GAPVD1: variants seen among roughly 807,000 people sequenced by gnomAD.
GAPVD1 encodes GTPase-activating protein and VPS9 domain-containing protein 1.
Under a neutral mutation model 155.5 loss-of-function variants are expected in GAPVD1, and 35 were observed. The ratio of observed to expected loss-of-function variants is 0.23; its 90% CI spans 0.17 to 0.30. The LOEUF (loss-of-function observed/expected upper bound fraction) is 0.30. Among genes scored for constraint, GAPVD1 ranks in the 10% least tolerant of loss-of-function variants. The pLI is 1.00. For missense variants in GAPVD1, 1,429 were observed against 1,775.7 expected (o/e 0.80, Z 3.51); for synonymous variants, 636 against 619.7 (o/e 1.03, Z -0.39).
At chr9:125,354,017 T>C (rs1378073172) in intron 23 of GAPVD1, among the ~76,000 whole-genome samples, 1 of 152,232 alleles carries the variant, frequency 6.6e-6, no homozygotes, top group Non-Finnish European at 1.5e-5. Context: ...GAATATCATA[T>C]TTCTTTTCTT....
At chr9:125,277,823 C>A (rs1477454811) in intron 2 of GAPVD1, among the ~76,000 whole-genome samples, 1 of 151,860 alleles carries the variant, frequency 6.6e-6, no homozygotes, top group Non-Finnish European at 1.5e-5. Flanking sequence ...GTGCATGCCA[C>A]ACCCAGCTAA....
At chr9:125,335,589 A>G (rs975383466) in intron 15 of GAPVD1, among the ~76,000 whole-genome samples, 1 of 152,010 alleles carries the variant, frequency 6.6e-6, no homozygotes, top group Non-Finnish European at 1.5e-5. Context: ...AGGCAGGAGA[A>G]TCGCTTGAAC....
chr9:125,283,370 T>C (rs1837121563), intron 2 of GAPVD1, among the ~76,000 whole-genome samples: 1 of 151,994 alleles, frequency 6.6e-6, no homozygotes, highest in South Asian at 2.1e-4. Flanking sequence ...ATTATTTTTA[T>C]TTTTTAGACA....
Position 125,349,450 on chromosome 9 carries a change from T to C in GAPVD1, c.3230T>C (p.Ile1077Thr), listed in dbSNP as rs754556604. The change falls in exon 21 of 28, where the codon ATC (isoleucine) becomes ACC (threonine). Residue 1077 changes from isoleucine (I) to threonine (T), a missense_variant. Transcript: ENST00000297933. ...CCCCGTGACGAAGCACTGCAGAACA[T>C]CTCGGCTGATGATCTCCCAGACTCT... Reference protein sequence around the residue: ...DSPRDEALQNISADDLPDSAS... With the variant: ...DSPRDEALQNTSADDLPDSAS... 1 of 1,613,970 alleles carries C rather than the reference T, an allele frequency of 6.2e-7. No homozygotes were observed. Among genetic ancestry groups the C allele is most frequent in the East Asian group, 2.2e-5 (1 of 44,886 alleles).
chr9:125,302,582 T>G lies in GAPVD1; in HGVS notation c.785T>G (p.Val262Gly). Residue 262 changes from valine to glycine, a missense_variant, in exon 5 of 28, where the codon GTG becomes GGG. This residue lies in a region of GAPVD1 where 628 missense variants were observed against 733.4 expected (regional missense o/e 0.86). Transcript: ENST00000297933. ...AATGAAGCAAAGCTAGTGGCTTTGGTGAACAAATTTATTGGTTATCTCAAA... is the reference window on the plus strand; with the variant it reads ...AATGAAGCAAAGCTAGTGGCTTTGGGGAACAAATTTATTGGTTATCTCAAA... Reference protein sequence around the residue: ...ESNEAKLVALVNKFIGYLKQN... With the variant: ...ESNEAKLVALGNKFIGYLKQN... 1 of 1,614,072 alleles carries G rather than the reference T, an allele frequency of 6.2e-7. No homozygotes were observed.
At chr9:125,318,945 G>T (rs982854122) in intron 9 of GAPVD1, among the ~76,000 whole-genome samples, 4 of 152,080 alleles carry the variant, frequency 2.6e-5, no homozygotes, top group African/African-American at 9.7e-5. Context: ...GGAGGCCGAA[G>T]CAGGCAGATC....
In GAPVD1 at chr9:125,316,702, G is replaced by A. The variant is rs995093819; in HGVS notation, c.1602+4090G>A. Among the ~76,000 whole-genome samples, 2 of 152,192 alleles carry A rather than the reference G, an allele frequency of 1.3e-5. 1 individual carries two copies. Among genetic ancestry groups the A allele is most frequent in the Admixed American group, 1.3e-4 (2 of 15,280 alleles). ...GTGAATAGTGCTTCAATAAACGTATGTGTGCATGTGTCTTTATAGTAGAAT... is the reference window on the plus strand; with the variant it reads ...GTGAATAGTGCTTCAATAAACGTATATGTGCATGTGTCTTTATAGTAGAAT... On this transcript the variant is annotated intron_variant, in intron 9 of 27. Transcript: ENST00000297933.
intron 4 of GAPVD1, among the ~76,000 whole-genome samples, chr9:125,300,337 A>G (rs868549545): frequency 1.3e-5 from 2 of 150,306 alleles, no homozygotes; most frequent in African/African-American, 4.9e-5. Flanking sequence ...TTGTGCCACC[A>G]TGCCTGGCTA....
In GAPVD1 at chr9:125,354,648, T is replaced by G; in HGVS notation, c.3570-6T>G. On this transcript the variant is annotated splice_region_variant and splice_polypyrimidine_tract_variant and intron_variant, in intron 23 of 27. Coordinates refer to ENST00000297933, the MANE Select transcript of GAPVD1 (RefSeq NM_001282680.3). ...CTGATGTCATGCAAAGTATTTTTCCTTTTAGAAAAAGAGCCCCATATATTG... is the reference window on the plus strand; with the variant it reads ...CTGATGTCATGCAAAGTATTTTTCCGTTTAGAAAAAGAGCCCCATATATTG... 1 of 1,597,250 alleles carries G rather than the reference T, an allele frequency of 6.3e-7. No individual in the cohort carries two copies.
intron 18 of GAPVD1, chr9:125,341,695 G>C (rs537916580): frequency 6.4e-6 from 1 of 157,436 alleles, no homozygotes; most frequent in South Asian, 1.9e-4. Context: ...GTAAATATCA[G>C]TGAGTGTTTA....
intron 11 of GAPVD1, 124 bp downstream of exon 11, chr9:125,324,047 T>A: frequency 1.3e-6 from 1 of 744,574 alleles, no homozygotes; most frequent in Non-Finnish European, 2.2e-6. Flanking sequence ...AAACTTAACA[T>A]TTATTCATCA....
chr9:125,282,150 A>G (rs1455689724), intron 2 of GAPVD1, among the ~76,000 whole-genome samples: 1 of 152,052 alleles, frequency 6.6e-6, no homozygotes, highest in Non-Finnish European at 1.5e-5. Flanking sequence ...ATAGTGGCGT[A>G]TGCCTGTAGT....
chr9:125,361,116 G>A (rs899737929), intron 27 of GAPVD1, among the ~76,000 whole-genome samples: 8 of 152,060 alleles, frequency 5.3e-5, no homozygotes, highest in East Asian at 1.9e-4. Flanking sequence ...TGATTCGCCC[G>A]CCTCAGCCTC....
At chr9:125,328,191 T>C (rs1400371334) in intron 12 of GAPVD1, among the ~76,000 whole-genome samples, 1 of 149,822 alleles carries the variant, frequency 6.7e-6, no homozygotes, top group African/African-American at 2.4e-5. Context: ...TAGATTTCTT[T>C]TTTTTTTTTT....
At chr9:125,343,350 G>T (rs555760426) in intron 19 of GAPVD1, among the ~76,000 whole-genome samples, 138 of 151,394 alleles carry the variant, frequency 9.1e-4, no homozygotes, top group Non-Finnish European at 1.3e-3. Context: ...TCTTTTTTTT[G>T]ATTTTGAATT....
chr9:125,261,856 T>A lies in GAPVD1; in HGVS notation c.-302T>A, dbSNP rs1364741402. On this transcript the variant is annotated 5_prime_UTR_variant, in exon 1 of 28. Coordinates refer to ENST00000297933, the MANE Select transcript of GAPVD1 (RefSeq NM_001282680.3). Reference sequence around the variant, plus strand: ...GAAGCCAACAGGCGAGTGGCGAAGGTGGCGGCAGCGGCGGCGGGGGCAGTC... The same window carrying A: ...GAAGCCAACAGGCGAGTGGCGAAGGAGGCGGCAGCGGCGGCGGGGGCAGTC... 1.3e-5 allele frequency: 2 copies of A among 152,964 alleles called. No homozygotes were observed. The highest frequency in any genetic ancestry group is 4.8e-5 in the African/African-American group (2 of 41,394). The allele number at this position is 152,964 out of a possible 1,614,324, so 9.5% of individuals were successfully genotyped here. A position where few individuals can be genotyped will look rare whatever the true frequency, so the allele number is the denominator to read the frequency against.
chr9:125,365,655 T>A lies in GAPVD1; in HGVS notation c.*2909T>A, dbSNP rs776380286. The A allele has an allele frequency of 9.2e-5, 14 of 152,268 alleles. No individual in the cohort carries two copies. The highest frequency in any genetic ancestry group is 1.9e-4 in the Non-Finnish European group (13 of 68,054). 9.4% of individuals were successfully genotyped at this position (152,268 alleles called of 1,614,324 possible). On this transcript the variant is annotated 3_prime_UTR_variant, in exon 28 of 28. Coordinates refer to ENST00000297933, the MANE Select transcript of GAPVD1 (RefSeq NM_001282680.3). ...TTACAAAATTATATTTTAATTTTTT[T>A]TGAGACATAGTCTTGCTCTGTCACC...
intron 15 of GAPVD1, 185 bp from the exon 16 acceptor site, chr9:125,336,833 G>C (rs897074344): frequency 2.2e-5 from 13 of 578,366 alleles, no homozygotes; most frequent in Non-Finnish European, 4.0e-5. Flanking sequence ...TGTGTATGAA[G>C]ATACTCATAA....
chr9:125,323,852 T>C lies in GAPVD1; in HGVS notation c.1787T>C (p.Val596Ala). 6.2e-7 allele frequency: 1 copy of C among 1,612,984 alleles called. No homozygotes were observed. Among genetic ancestry groups the C allele is most frequent in the Non-Finnish European group, 8.5e-7 (1 of 1,178,954 alleles). ...TCCCTAGACCTAGAAGGAGAGTCTG[T>C]GTCAGAACTTGGAGCAGGACCTTCT... ...VSSLDLEGES[V>A]SELGAGPSGS... The change falls in exon 11 of 28, where the codon GTG (valine) becomes GCG (alanine). Residue 596 changes from valine to alanine, a missense_variant. Physicochemically the swap from Val to Ala is moderately conservative, Grantham distance 64. Around this residue, in one of 4 missense-constraint regions of GAPVD1, gnomAD observed 628 missense variants for 733.4 expected, o/e 0.86. Transcript: ENST00000297933.
Sources: gnomAD v4.1 joint callset for allele counts (sites outside exome capture counted in the v4.1 genomes callset) on GRCh38, gnomAD v4.1.1 for gene constraint, gnomAD v4.1.1 regional missense constraint, MANE v1.5 for transcripts, NCBI Gene and HGNC (gene_info 2026-07-23, HGNC 2026-07-21) for gene names.